Variants in AHCYL1 observed in about 807,000 individuals in gnomAD.
AHCYL1 encodes the protein adenosylhomocysteinase like 1, also known as S-adenosylhomocysteine hydrolase-like protein 1.
Under a neutral mutation model 79.3 loss-of-function variants are expected in AHCYL1, and 20 were observed. The observed-to-expected ratio is 0.25, with a 90% confidence interval of 0.18 to 0.37. The LOEUF (loss-of-function observed/expected upper bound fraction) is 0.37, where lower values mean the gene tolerates loss of function less well. Among genes scored for constraint, AHCYL1 ranks in the 10% least tolerant of loss-of-function variants. The pLI is 1.00. For missense variants in AHCYL1, 330 were observed against 673.6 expected, an observed-to-expected ratio of 0.49 and a Z score of 5.65; for synonymous variants, 223 against 242.2, an observed-to-expected ratio of 0.92 and a Z score of 0.74.
chr1:110,005,759 T>TAA (rs11349395), intron 1 of AHCYL1, among the ~76,000 whole-genome samples: 3 of 142,588 alleles, frequency 2.1e-5, no homozygotes, highest in Admixed American at 7.0e-5. Context: ...CTTCTAATGG[T>TAA]AAAAAAAAAA....
intron 1 of AHCYL1, chr1:110,004,598 C>A: frequency 1.3e-6 from 1 of 742,446 alleles, no homozygotes; most frequent in Non-Finnish European, 1.6e-6. Context: ...TCTTTGGGTT[C>A]ATCTGAAGTG....
At chr1:110,011,526 A>AT (rs1219293778) in intron 3 of AHCYL1, among the ~76,000 whole-genome samples, 169 bp downstream of exon 3, 1 of 152,064 alleles carries the variant, frequency 6.6e-6, no homozygotes, top group Non-Finnish European at 1.5e-5. Context: ...AAGTCTTGGG[A>AT]TTTTGTTCTC....
intron 1 of AHCYL1, among the ~76,000 whole-genome samples, chr1:109,992,984 C>G (rs1465845593): frequency 6.6e-6 from 1 of 152,202 alleles, no homozygotes; most frequent in Non-Finnish European, 1.5e-5. Flanking sequence ...GTCCTTATGG[C>G]TTGGAACAAA....
rs954900220 is a variant in AHCYL1 at position 110,018,979 on chromosome 1, G to A, written c.1318-72G>A. On this transcript the variant is annotated intron_variant, in intron 13 of 16. Coordinates refer to ENST00000369799, the MANE Select transcript of AHCYL1 (RefSeq NM_006621.7). ...CTAGAGGGGTGTAAAGTCCTCTCCC[G>A]CTTTGGCTTGACTTGTATGCCATTG... 6.3e-5 allele frequency: 91 copies of A among 1,448,226 alleles called. No individual in the cohort carries two copies. The African/African-American group carries it at 9.1e-4, about 14-fold the overall frequency. 89.7% of individuals were successfully genotyped at this position (1,448,226 alleles called of 1,614,324 possible).
chr1:110,019,718 C>G, intron 15 of AHCYL1, 92 bp downstream of exon 15: 4 of 1,246,582 alleles, frequency 3.2e-6, no homozygotes, highest in Non-Finnish European at 4.5e-6. Flanking sequence ...GTCAGAGTTC[C>G]AATTCCTGTT....
chr1:110,012,915 T>A lies in AHCYL1; in HGVS notation c.496T>A (p.Cys166Ser). 1 of 1,612,202 alleles carries A rather than the reference T, an allele frequency of 6.2e-7. No homozygotes were observed. Among genetic ancestry groups the A allele is most frequent in the Non-Finnish European group, 8.5e-7 (1 of 1,179,560 alleles). The change falls in exon 5 of 17, where the codon TGT becomes AGT. Residue 166 changes from cysteine (C) to serine (S), a missense_variant. Coordinates refer to ENST00000369799, the MANE Select transcript of AHCYL1 (RefSeq NM_006621.7). ...AQTAVLIETL[C>S]ALGAQCRWSA... is the part of the protein sequence containing the mutation. Reference sequence around the variant, plus strand: ...TACACAGGTGTTGATTGAGACACTCTGTGCCCTGGGGGCTCAGTGCCGCTG... The same window carrying A: ...TACACAGGTGTTGATTGAGACACTCAGTGCCCTGGGGGCTCAGTGCCGCTG...
At chr1:109,998,452 C>T (rs1483991121) in intron 1 of AHCYL1, among the ~76,000 whole-genome samples, 1 of 151,960 alleles carries the variant, frequency 6.6e-6, no homozygotes, top group African/African-American at 2.4e-5. Context: ...GAGACCCTGT[C>T]TCTAAAAAAT....
chr1:109,995,912 G>A (rs946437952), intron 1 of AHCYL1, among the ~76,000 whole-genome samples: 3 of 152,150 alleles, frequency 2.0e-5, no homozygotes, highest in African/African-American at 7.2e-5. Context: ...AACATTGTTC[G>A]GAAATCTAAC....
intron 1 of AHCYL1, chr1:110,000,806 A>C (rs762757342): frequency 3.4e-6 from 1 of 291,916 alleles, no homozygotes; most frequent in Non-Finnish European, 5.1e-6. Flanking sequence ...TGCCTTAAGC[A>C]AGTCACTTAG....
chr1:110,009,003 G>A, intron 1 of AHCYL1, 31 bp from the exon 2 acceptor site: 4 of 1,527,062 alleles, frequency 2.6e-6, no homozygotes, highest in Non-Finnish European at 3.6e-6. Context: ...TTCCTTATAA[G>A]TTTTCAACTT....
chr1:109,985,269 G>A (rs917238560), intron 1 of AHCYL1, 97 bp downstream of exon 1: 168 of 1,475,524 alleles, frequency 1.1e-4, no homozygotes, highest in Middle Eastern at 2.3e-4. Context: ...ACTTCTGGGG[G>A]TGACTGGGGA....
chr1:110,021,353 C>T (rs1651782452), intron 16 of AHCYL1, among the ~76,000 whole-genome samples: 2 of 152,016 alleles, frequency 1.3e-5, no homozygotes, highest in Admixed American at 1.3e-4. Flanking sequence ...TGGGCCTCAC[C>T]CTAAGAGATT....
At chr1:110,018,062 G>C (rs768256265) in intron 11 of AHCYL1, 46 bp downstream of exon 11, 1 of 1,598,098 alleles carries the variant, frequency 6.3e-7, no homozygotes, top group Non-Finnish European at 8.6e-7. Flanking sequence ...GCTAAATCTT[G>C]AAAGTAGTCT....
Position 110,021,807 on chromosome 1 carries a change from T to C in AHCYL1, c.*127T>C. 2 of 1,031,956 alleles carry C rather than the reference T, an allele frequency of 1.9e-6. No individual in the cohort carries two copies. Among genetic ancestry groups the C allele is most frequent in the Non-Finnish European group, 2.8e-6 (2 of 710,702 alleles). 63.9% of individuals were successfully genotyped at this position (1,031,956 alleles called of 1,614,324 possible). A position where few individuals can be genotyped will look rare whatever the true frequency, so the allele number is the denominator to read the frequency against. On this transcript the variant is annotated 3_prime_UTR_variant, in exon 17 of 17. Coordinates refer to ENST00000369799, the MANE Select transcript of AHCYL1 (RefSeq NM_006621.7). ...TTTTCCTATAATTTCATTCTTGTTT[T>C]TTCATCTCATTATCCAAGTTCTGCA...
intron 2 of AHCYL1, 106 bp from the exon 3 acceptor site, chr1:110,011,108 A>T: frequency 7.2e-7 from 1 of 1,390,824 alleles, no homozygotes; most frequent in Non-Finnish European, 9.7e-7. Flanking sequence ...AGCTCCAATT[A>T]AGGGTGTTCC....
intron 1 of AHCYL1, among the ~76,000 whole-genome samples, chr1:109,986,345 A>G (rs1649470004): frequency 6.7e-6 from 1 of 149,992 alleles, no homozygotes; most frequent in African/African-American, 2.5e-5. Flanking sequence ...TTTTAAGTGA[A>G]TTAACCTGCC....
Position 110,014,521 on chromosome 1 carries a change from T to C in AHCYL1, c.581-242T>C, listed in dbSNP as rs1651283076. ...ACTTCATTTTATCTCCTTCTAAGTA[T>C]AAAATTAGTCCAGAGAAAGGAACAC... On this transcript the variant is annotated intron_variant, in intron 5 of 16. Coordinates refer to ENST00000369799, the MANE Select transcript of AHCYL1 (RefSeq NM_006621.7). Among the ~76,000 whole-genome samples the C allele has an allele frequency of 2.0e-5, 3 of 152,256 alleles. No individual in the cohort carries two copies. In the South Asian group the frequency reaches 6.2e-4, roughly 32 times the overall value.
intron 1 of AHCYL1, among the ~76,000 whole-genome samples, chr1:109,990,388 C>T (rs1261732280): frequency 4.6e-5 from 7 of 152,156 alleles, no homozygotes; most frequent in Admixed American, 4.6e-4. Context: ...TGGCGCAATT[C>T]TGGTTTATAC....
chr1:110,018,349 T>C (rs1332084502), intron 11 of AHCYL1, 24 bp from the exon 12 acceptor site: 1 of 1,612,212 alleles, frequency 6.2e-7, no homozygotes, highest in South Asian at 1.1e-5. Context: ...ATCTCTTTCC[T>C]TAACCACCCA....
Sources: gnomAD v4.1 joint callset for allele counts (sites outside exome capture counted in the v4.1 genomes callset) on GRCh38, gnomAD v4.1.1 for gene constraint, MANE v1.5 for transcripts, NCBI Gene and HGNC (gene_info 2026-07-23, HGNC 2026-07-21) for gene names.